Variants in DYNC1LI2 observed in about 807,000 individuals in gnomAD.
DYNC1LI2 encodes dynein cytoplasmic 1 light intermediate chain 2.
In DYNC1LI2, 19 loss-of-function variants were observed where a neutral mutation model predicts 57.8. That is an observed-to-expected ratio of 0.33 (90% CI 0.23 to 0.48). The LOEUF (loss-of-function observed/expected upper bound fraction) is 0.48, where lower values mean the gene tolerates loss of function less well. Ranked by LOEUF, DYNC1LI2 falls within the 20% of genes least tolerant of loss-of-function variation. The pLI, the probability that DYNC1LI2 is intolerant of heterozygous loss-of-function variation, is 0.99. For missense variants in DYNC1LI2, 470 were observed against 604.2 expected, an observed-to-expected ratio of 0.78 and a Z score of 2.33; for synonymous variants, 256 against 233.4, an observed-to-expected ratio of 1.10 and a Z score of -0.88.
chr16:66,727,861 T>C (rs2017564630), intron 10 of DYNC1LI2, 56 bp from the exon 11 acceptor site: 4 of 1,438,490 alleles, frequency 2.8e-6, no homozygotes, highest in Non-Finnish European at 9.6e-7. Context: ...AAAAAATACA[T>C]ATGCCACAAA....
At chr16:66,745,411 T>C (rs1338991944) in intron 3 of DYNC1LI2, among the ~76,000 whole-genome samples, 1 of 151,914 alleles carries the variant, frequency 6.6e-6, no homozygotes, top group Non-Finnish European at 1.5e-5. Context: ...CTTGAGTGGC[T>C]GGGATTACAG....
chr16:66,724,756 G>A (rs2017506513), intron 12 of DYNC1LI2: 1 of 152,156 alleles, frequency 6.6e-6, no homozygotes, highest in South Asian at 2.1e-4. Context: ...ACTCTGCAGT[G>A]AGACAGTGAG....
rs757265330 is a variant in DYNC1LI2, at chr16:66,723,708, C to T, written c.*14G>A. Reference sequence around the variant, plus strand: ...GTTATTTGGTCATTCGACATATGCACTTTTTAAGGAGGTTCAGGCTTCATT... The same window carrying T: ...GTTATTTGGTCATTCGACATATGCATTTTTTAAGGAGGTTCAGGCTTCATT... On this transcript the variant is annotated 3_prime_UTR_variant, in exon 13 of 13. Transcript: ENST00000258198. 6 of 1,593,854 alleles carry T rather than the reference C, an allele frequency of 3.8e-6. No homozygotes were observed. In the South Asian group the frequency reaches 5.8e-5, roughly 15 times the overall value.
chr16:66,735,363 A>G (rs2017715357), intron 5 of DYNC1LI2, among the ~76,000 whole-genome samples: 1 of 152,010 alleles, frequency 6.6e-6, no homozygotes, highest in Admixed American at 6.6e-5. Context: ...AGCCTCCCAA[A>G]GTGCTGGGAT....
At chr16:66,732,080 G>C in intron 7 of DYNC1LI2, 1 of 420,880 alleles carries the variant, frequency 2.4e-6, no homozygotes, top group Non-Finnish European at 4.2e-6. Context: ...TTTTACCAGA[G>C]TTGACAGTGA....
At chr16:66,747,223 C>T (rs780511025) in intron 3 of DYNC1LI2, among the ~76,000 whole-genome samples, 5 of 152,090 alleles carry the variant, frequency 3.3e-5, no homozygotes, top group Non-Finnish European at 7.3e-5. Context: ...GGATTACAGG[C>T]GTGCGCCACC....
Position 66,751,183 on chromosome 16 carries a change from G to C in DYNC1LI2, c.181+90C>G. On this transcript the variant is annotated intron_variant, in intron 2 of 12. Transcript: ENST00000258198. The surrounding 1 kb of genome is among the most constrained non-coding windows in gnomAD (Gnocchi z 5.2). The stretch of plus-strand genomic sequence containing the variant: ...TTTCCCGCCAGGCTGCGGGCAGGCG[G>C]CTGGAACGGGGAAGGCGGGGACCTG... 1 of 1,418,428 alleles carries C rather than the reference G, an allele frequency of 7.1e-7. No homozygotes were observed. Among genetic ancestry groups the C allele is most frequent in the Non-Finnish European group, 9.5e-7 (1 of 1,049,876 alleles). The allele number at this position is 1,418,428 out of a possible 1,614,324, so 87.9% of individuals were successfully genotyped here. A position where few individuals can be genotyped will look rare whatever the true frequency, so the allele number is the denominator to read the frequency against.
At chr16:66,727,654 T>C (rs1356754385) in intron 11 of DYNC1LI2, 34 bp downstream of exon 11, 1 of 1,607,924 alleles carries the variant, frequency 6.2e-7, no homozygotes, top group Admixed American at 1.7e-5. Context: ...ACTAAACTAC[T>C]CTCCAAAGAG....
At chr16:66,740,173 T>C (rs1306053954) in intron 4 of DYNC1LI2, among the ~76,000 whole-genome samples, 3 of 152,170 alleles carry the variant, frequency 2.0e-5, no homozygotes, top group East Asian at 3.8e-4. Flanking sequence ...TTCACTCAGA[T>C]GATCCCTGCA....
chr16:66,735,102 T>TTG (rs1375013977), intron 5 of DYNC1LI2, among the ~76,000 whole-genome samples: 3 of 150,526 alleles, frequency 2.0e-5, no homozygotes, highest in Non-Finnish European at 3.0e-5. Flanking sequence ...CTTTGTTTGT[T>TTG]TTTTTTTTCT....
At chr16:66,748,303 A>C (rs891908861) in intron 3 of DYNC1LI2, among the ~76,000 whole-genome samples, 1 of 122,864 alleles carries the variant, frequency 8.1e-6, no homozygotes, top group Admixed American at 8.4e-5. Context: ...AAAAAAAAAA[A>C]AACTAACATA....
rs144550007 is a variant in DYNC1LI2 at position 66,726,787 on chromosome 16, G to A, written c.1262-843C>T. Among the ~76,000 whole-genome samples the A allele has an allele frequency of 2.5e-3, 373 of 152,152 alleles. 3 individuals are homozygous for A. Among genetic ancestry groups the A allele is most frequent in the African/African-American group, 8.6e-3 (358 of 41,504 alleles). ...CTCCCGAGTAGCTGGGATTACAGGT[G>A]CCCACCATCACGCCTGGCTAATTTT... is the stretch of plus-strand genomic sequence containing the variant. On this transcript the variant is annotated intron_variant, in intron 11 of 12. Transcript: ENST00000258198.
chr16:66,730,241 G>C lies in DYNC1LI2; in HGVS notation c.930-18C>G. The C allele has an allele frequency of 1.9e-6, 3 of 1,605,886 alleles. No homozygotes were observed. The highest frequency in any genetic ancestry group is 2.2e-5 in the East Asian group (1 of 44,814). ...CTGCAGGTCTAAAGGCAAAGAGAGA[G>C]GGACTGAATTGCTTTTCCTGGGGCT... On this transcript the variant is annotated intron_variant, in intron 7 of 12. Coordinates refer to ENST00000258198, the MANE Select transcript of DYNC1LI2 (RefSeq NM_006141.3).
At chr16:66,748,318 CAA>C (rs1278110692) in intron 3 of DYNC1LI2, among the ~76,000 whole-genome samples, 1 of 139,924 alleles carries the variant, frequency 7.1e-6, no homozygotes, top group Non-Finnish European at 1.6e-5. Context: ...AACATAAAAC[CAA>C]AAGATTATAA....
intron 4 of DYNC1LI2, among the ~76,000 whole-genome samples, chr16:66,741,290 T>C (rs2017831381): frequency 6.6e-6 from 1 of 152,194 alleles, no homozygotes; most frequent in Non-Finnish European, 1.5e-5. Context: ...TTCAGAGAAG[T>C]TGTCCTTAAG....
At chr16:66,733,911 C>A in intron 6 of DYNC1LI2, 1 of 310,822 alleles carries the variant, frequency 3.2e-6, no homozygotes, top group Middle Eastern at 1.0e-3. Context: ...GCTATAATCC[C>A]AGCACTTTCG....
intron 12 of DYNC1LI2, among the ~76,000 whole-genome samples, chr16:66,724,300 T>A (rs12600097): frequency 6.6e-6 from 1 of 151,914 alleles, no homozygotes; most frequent in Non-Finnish European, 1.5e-5. Context: ...AGTTCAGTCC[T>A]GCACAAAATC....
chr16:66,745,480 G>A (rs992547451), intron 3 of DYNC1LI2, among the ~76,000 whole-genome samples: 9 of 150,516 alleles, frequency 6.0e-5, no homozygotes, highest in African/African-American at 2.0e-4. Flanking sequence ...GTTTCACCAC[G>A]TTGTCCAGGC....
chr16:66,738,597 C>A (rs896998847), intron 4 of DYNC1LI2, among the ~76,000 whole-genome samples: 9 of 151,962 alleles, frequency 5.9e-5, no homozygotes, highest in Non-Finnish European at 1.3e-4. Flanking sequence ...CACTGTCAGG[C>A]TAAACGCGAT....
Sources: gnomAD v4.1 joint callset for allele counts (sites outside exome capture counted in the v4.1 genomes callset) on GRCh38, gnomAD v4.1.1 for gene constraint, Gnocchi (gnomAD v3.1) non-coding constraint, MANE v1.5 for transcripts, NCBI Gene and HGNC (gene_info 2026-07-23, HGNC 2026-07-21) for gene names.